DAB1: variants seen among roughly 807,000 people sequenced by gnomAD.
DAB1 encodes DAB adaptor protein 1.
In DAB1, 15 loss-of-function variants were observed where a neutral mutation model predicts 64.6. The ratio of observed to expected loss-of-function variants is 0.23; its 90% CI spans 0.16 to 0.36. DAB1 has a LOEUF of 0.36. DAB1 is among the 10% of genes least tolerant of loss of function. The pLI is 1.00. For missense variants in DAB1, 596 were observed against 706.7 expected (o/e 0.84, Z 1.78); for synonymous variants, 235 against 251.9 (o/e 0.93, Z 0.64).
intron 5 of DAB1, among the ~76,000 whole-genome samples, chr1:57,993,280 T>C (rs1251552217): frequency 1.3e-5 from 2 of 152,048 alleles, no homozygotes; most frequent in Non-Finnish European, 2.9e-5. Flanking sequence ...TGTCACTCTA[T>C]TAAAAAGAAA....
intron 3 of DAB1, among the ~76,000 whole-genome samples, chr1:58,402,597 A>G (rs1359575106): frequency 2.0e-5 from 3 of 152,066 alleles, no homozygotes; most frequent in Non-Finnish European, 4.4e-5. Flanking sequence ...TAGGCATTCA[A>G]TAAATAGTTG....
In DAB1 at chr1:57,811,923, C is replaced by G. The variant is rs139232221; in HGVS notation, n.551+72076G>C. ...TACAGGGCCTAGTGAGGAGCTTAGC[C>G]TAGTGAGGAGATGGTCAGTAGGAAG... On this transcript the variant is annotated intron_variant and non_coding_transcript_variant, in intron 6 of 20. Coordinates refer to the DAB1 transcript ENST00000485760. 8.7e-4 allele frequency among the ~76,000 whole-genome samples: 132 copies of G among 152,246 alleles called. 2 individuals carry two copies. The highest frequency in any genetic ancestry group is 3.1e-3 in the African/African-American group (128 of 41,542).
intron 7 of DAB1, among the ~76,000 whole-genome samples, chr1:57,519,088 T>C (rs1306822574): frequency 1.3e-5 from 2 of 152,182 alleles, no homozygotes; most frequent in Non-Finnish European, 2.9e-5. Context: ...TTGAAGTTCT[T>C]ACAATAGTCC....
At chr1:58,541,097 G>A (rs987674476) in intron 1 of DAB1, among the ~76,000 whole-genome samples, 20 of 64,856 alleles carry the variant, frequency 3.1e-4, no homozygotes, top group Non-Finnish European at 5.1e-4. Context: ...ATCATTTGAG[G>A]TCAGGCATTC....
rs371647237 is a variant in DAB1, at chr1:57,980,093, T to C, written n.388-95931A>G. Among the ~76,000 whole-genome samples the C allele has an allele frequency of 3.9e-5, 6 of 152,236 alleles. No individual in the cohort carries two copies. In the South Asian group the frequency reaches 8.3e-4, roughly 21 times the overall value. ...CAAGGCACTCTCCTCAGAGCAACCATTAATTGAATCCCTTCATCCATAAAT... is the reference window on the plus strand; with the variant it reads ...CAAGGCACTCTCCTCAGAGCAACCACTAATTGAATCCCTTCATCCATAAAT... On this transcript the variant is annotated intron_variant and non_coding_transcript_variant, in intron 5 of 20. Coordinates refer to the DAB1 transcript ENST00000485760.
rs1289919186 is a variant in DAB1, at chr1:58,085,958, C to CTCTTTTT, written n.387+64552_387+64553insAAAAAGA. ...GGATGCTGTGGGCTGATCTCTCTCT[C>CTCTTTTT]TTTTTTTTTTTTTTTTTTTTTTTGA... On this transcript the variant is annotated intron_variant and non_coding_transcript_variant, in intron 5 of 20. Coordinates refer to the DAB1 transcript ENST00000485760. 9.1e-5 allele frequency among the ~76,000 whole-genome samples: 9 copies of CTCTTTTT among 98,704 alleles called. No individual in the cohort carries two copies. In the South Asian group the frequency reaches 2.8e-3, roughly 31 times the overall value. 64.8% of individuals were successfully genotyped at this position (98,704 alleles called of 152,430 possible). A position where few individuals can be genotyped will look rare whatever the true frequency, so the allele number is the denominator to read the frequency against.
At chr1:57,540,153 T>C (rs1377659624) in intron 7 of DAB1, among the ~76,000 whole-genome samples, 1 of 152,222 alleles carries the variant, frequency 6.6e-6, no homozygotes, top group African/African-American at 2.4e-5. Context: ...TAAACGCAGA[T>C]TTAATTTTTG....
At position 58,306,164 on chromosome 1, in the gene DAB1, A is replaced by T. The variant is rs374747698; in HGVS notation, n.309+37188T>A. Among the ~76,000 whole-genome samples the T allele has an allele frequency of 1.8e-4, 28 of 152,272 alleles. No homozygotes were observed. In the East Asian group the frequency reaches 2.1e-3, roughly 12 times the overall value. On this transcript the variant is annotated intron_variant and non_coding_transcript_variant, in intron 4 of 20. Transcript: ENST00000485760. ...GAGCACTCATTATTGGAGATCTCAGATTCTCCTGGAGAAATAATGAGTGTC... is the reference window on the plus strand; with the variant it reads ...GAGCACTCATTATTGGAGATCTCAGTTTCTCCTGGAGAAATAATGAGTGTC...
intron 4 of DAB1, among the ~76,000 whole-genome samples, chr1:58,220,656 G>C (rs1436069828): frequency 1.3e-5 from 2 of 152,086 alleles, no homozygotes; most frequent in African/African-American, 4.8e-5. Flanking sequence ...GGCCTTTCCA[G>C]CTATGCAATT....
Position 58,537,127 on chromosome 1 carries a change from C to A in DAB1, n.32+9576G>T, listed in dbSNP as rs546024814. 8.0e-5 allele frequency among the ~76,000 whole-genome samples: 12 copies of A among 150,638 alleles called. No individual in the cohort carries two copies. The Admixed American group carries it at 8.0e-4, about 10-fold the overall frequency. On this transcript the variant is annotated intron_variant and non_coding_transcript_variant, in intron 1 of 20. Coordinates refer to the DAB1 transcript ENST00000485760. ...CATCTCATTTAATCTTCATAATAAC[C>A]CTGTTACAGAAGATAAAATTGTTAG...
Position 57,517,979 on chromosome 1 carries a change from C to A in DAB1, n.625+131613G>T, listed in dbSNP as rs4265451. Among the ~76,000 whole-genome samples the A allele has an allele frequency of 6.9e-3, 1,051 of 152,292 alleles. 6 individuals carry two copies. Among genetic ancestry groups the A allele is most frequent in the Non-Finnish European group, 0.011 (752 of 68,030 alleles). On this transcript the variant is annotated intron_variant and non_coding_transcript_variant, in intron 7 of 20. Coordinates refer to the DAB1 transcript ENST00000485760. The stretch of plus-strand genomic sequence containing the variant: ...GTAGCACCCAGCCTCTGTTGTCACA[C>A]CACCAGTGACACGTTGCTCATTACC...
intron 6 of DAB1, among the ~76,000 whole-genome samples, chr1:57,742,453 TG>T (rs1648047491): frequency 6.6e-6 from 1 of 152,070 alleles, no homozygotes; most frequent in Non-Finnish European, 1.5e-5. Context: ...TGAGATATAA[TG>T]GGGAGGGACC....
At chr1:57,264,582 G>A (rs956794007) in intron 2 of DAB1, among the ~76,000 whole-genome samples, 1 of 152,144 alleles carries the variant, frequency 6.6e-6, no homozygotes, top group East Asian at 1.9e-4. Context: ...CTCATTTTGT[G>A]GAAAGGGAAA....
intron 6 of DAB1, among the ~76,000 whole-genome samples, chr1:57,747,120 T>C (rs185795190): frequency 4.1e-4 from 63 of 152,342 alleles, no homozygotes; most frequent in African/African-American, 1.1e-3. Flanking sequence ...CATGACCCAT[T>C]TGAAGACCAT....
chr1:57,036,657 C>T (rs1490311844), intron 9 of DAB1, among the ~76,000 whole-genome samples: 1 of 152,070 alleles, frequency 6.6e-6, no homozygotes, highest in Non-Finnish European at 1.5e-5. Context: ...TTCATACTAT[C>T]ATAGCATGTA....
chr1:57,063,379 A>G (rs1024648942), intron 8 of DAB1, among the ~76,000 whole-genome samples: 3 of 152,222 alleles, frequency 2.0e-5, no homozygotes, highest in Non-Finnish European at 1.5e-5. Context: ...TATTTAAAAT[A>G]TAGCAAATAT....
intron 6 of DAB1, among the ~76,000 whole-genome samples, chr1:57,678,045 G>A (rs1268040929): frequency 6.6e-6 from 1 of 152,144 alleles, no homozygotes; most frequent in East Asian, 1.9e-4. Flanking sequence ...CTAGGGTATG[G>A]TTTGGAGTTC....
intron 4 of DAB1, among the ~76,000 whole-genome samples, chr1:57,104,784 G>A (rs1654988899): frequency 6.6e-6 from 1 of 152,086 alleles, no homozygotes; most frequent in Non-Finnish European, 1.5e-5. Flanking sequence ...AACTGTAGAA[G>A]AAGTTGGGTG....
chr1:58,156,197 A>C (rs1332815632), intron 4 of DAB1, among the ~76,000 whole-genome samples: 5 of 152,208 alleles, frequency 3.3e-5, no homozygotes, highest in Non-Finnish European at 7.3e-5. Flanking sequence ...CACTTTATCT[A>C]GCACTTGCTT....
Sources: allele counts gnomAD v4.1 joint callset (sites outside exome capture counted in the v4.1 genomes callset), GRCh38; gene constraint gnomAD v4.1.1; transcripts MANE v1.5; gene names NCBI Gene and HGNC (gene_info 2026-07-23, HGNC 2026-07-21).